The following USP9X variants were observed in gnomAD, a reference collection of about 807,000 sequenced individuals.
USP9X encodes ubiquitin carboxyl-terminal hydrolase 9X.
USP9X carries 7 observed loss-of-function variants against 190.3 expected under a neutral mutation model. That is an observed-to-expected ratio of 0.04 (90% CI 0.02 to 0.07). USP9X has a LOEUF of 0.07. Among genes scored for constraint, USP9X ranks in the 10% least tolerant of loss-of-function variants. The pLI, the probability that USP9X is intolerant of heterozygous loss-of-function variation, is 1.00. For missense variants in USP9X, 1,010 were observed against 1,916.9 expected (o/e 0.53, Z 8.83); for synonymous variants, 645 against 659.5 (o/e 0.98, Z 0.34).
intron 1 of USP9X, among the ~76,000 whole-genome samples, chrX:41,098,227 A>C (rs183095925): frequency 2.0e-5 from 2 of 99,338 alleles, no homozygotes; most frequent in East Asian, 3.2e-4. Context: ...TGCAGCCTCC[A>C]TCTCCTGGGT....
chrX:41,199,210 A>AAAAGG (rs1307634389), intron 30 of USP9X, among the ~76,000 whole-genome samples: 2 of 110,974 alleles, frequency 1.8e-5, no homozygotes, highest in Non-Finnish European at 3.8e-5. Flanking sequence ...AAAAGAAAAG[A>AAAAGG]AAAAAGAAAA....
At chrX:41,173,875 A>G (rs2062750373) in intron 21 of USP9X, among the ~76,000 whole-genome samples, 1 of 112,197 alleles carries the variant, frequency 8.9e-6, no homozygotes, top group African/African-American at 3.2e-5. Context: ...GCATTGTATT[A>G]GGTGTTACCT....
rs938383621 is a variant in USP9X, at chrX:41,187,129, G to T, written c.3684+487G>T. On this transcript the variant is annotated intron_variant, in intron 24 of 44. Transcript: ENST00000378308. ...ATTACAGGCATGAGCCACCATGCCC[G>T]GCCCAGATTCGGTGAATTTTGACAT... Among the ~76,000 whole-genome samples, 3 of 112,126 alleles carry T rather than the reference G, an allele frequency of 2.7e-5. No homozygotes were observed. In the Admixed American group the frequency reaches 2.8e-4, roughly 11 times the overall value.
At chrX:41,126,187 G>A (rs937927556) in intron 2 of USP9X, among the ~76,000 whole-genome samples, 1 of 111,318 alleles carries the variant, frequency 9.0e-6, no homozygotes, top group African/African-American at 3.3e-5. Flanking sequence ...TGAACAAGTC[G>A]GGGGTTTTTT....
At chrX:41,172,570 C>A (rs1228773123) in intron 21 of USP9X, among the ~76,000 whole-genome samples, 3 of 111,575 alleles carry the variant, frequency 2.7e-5, no homozygotes, top group Middle Eastern at 4.6e-3. Context: ...TTAACTGTTA[C>A]ATACCCCCAC....
chrX:41,205,895 C>CTT (rs754328137), intron 32 of USP9X, among the ~76,000 whole-genome samples: 1 of 80,456 alleles, frequency 1.2e-5, no homozygotes, highest in African/African-American at 4.5e-5. Context: ...TTCTTTTTTT[C>CTT]TTTTTTTTTT....
intron 31 of USP9X, 67 bp downstream of exon 31, chrX:41,201,347 A>G: frequency 9.8e-7 from 1 of 1,016,204 alleles, no homozygotes; most frequent in South Asian, 2.0e-5. Context: ...ATTCTCTCTT[A>G]AGAGAGTGTT....
chrX:41,153,680 T>G (rs947427261), intron 14 of USP9X, among the ~76,000 whole-genome samples: 3 of 112,308 alleles, frequency 2.7e-5, no homozygotes, highest in African/African-American at 9.7e-5. Context: ...TTTTGCCCTT[T>G]GACAGTTATG....
At chrX:41,150,653 C>T (rs756465362) in intron 12 of USP9X, among the ~76,000 whole-genome samples, 2 of 111,533 alleles carry the variant, frequency 1.8e-5, no homozygotes, top group Admixed American at 1.9e-4. Context: ...TACTTAGGAT[C>T]TGTAGTGTGT....
chrX:41,102,841 G>A (rs148190011), intron 1 of USP9X, among the ~76,000 whole-genome samples: 14,384 of 107,219 alleles, frequency 0.13, 891 homozygotes, highest in East Asian at 0.21. Flanking sequence ...CACCCAGGCT[G>A]GAGTGCAGTG....
In USP9X at chrX:41,100,424, T is replaced by C. The variant is rs770598549; in HGVS notation, c.-159+14315T>C. Among the ~76,000 whole-genome samples the C allele has an allele frequency of 1.8e-4, 20 of 112,191 alleles. No homozygotes were observed. In the East Asian group the frequency reaches 5.6e-3, roughly 31 times the overall value. ...AACAGGAATTCAAACTAAGGCAGTT[T>C]ATCTTCAGTCTTTAGTGTTAACTAC... On this transcript the variant is annotated intron_variant, in intron 1 of 44. Transcript: ENST00000378308.
intron 39 of USP9X, 62 bp downstream of exon 39, chrX:41,223,464 T>A (rs763131942): frequency 4.8e-5 from 55 of 1,140,446 alleles, no homozygotes; most frequent in Non-Finnish European, 6.5e-5. Context: ...TGAGACAGAG[T>A]TTTGCTGTTG....
At chrX:41,211,875 C>T (rs1317727546) in intron 33 of USP9X, among the ~76,000 whole-genome samples, 1 of 111,834 alleles carries the variant, frequency 8.9e-6, no homozygotes, top group Admixed American at 9.3e-5. Context: ...CCGCCCCATC[C>T]GGGAGGTGAG....
At chrX:41,118,526 A>G (rs2062167431) in intron 1 of USP9X, among the ~76,000 whole-genome samples, 1 of 111,684 alleles carries the variant, frequency 9.0e-6, no homozygotes, top group African/African-American at 3.3e-5. Context: ...TCGTCCTTGT[A>G]TTGCTTCCTG....
intron 1 of USP9X, among the ~76,000 whole-genome samples, chrX:41,121,578 G>A (rs2062190481): frequency 9.0e-6 from 1 of 111,655 alleles, no homozygotes; most frequent in African/African-American, 3.3e-5. Context: ...TCTTAAGCCA[G>A]GTCATAATTA....
chrX:41,199,185 G>GA (rs1195442117), intron 30 of USP9X, among the ~76,000 whole-genome samples: 2 of 106,817 alleles, frequency 1.9e-5, no homozygotes, highest in African/African-American at 3.4e-5. Context: ...CTCCATCTCA[G>GA]AAAAAAAAGA....
At position 41,235,557 on chromosome X, in the gene USP9X, A is replaced by C. The variant is rs2063393413; in HGVS notation, c.*3033A>C. The C allele has an allele frequency of 8.8e-6, 1 of 113,196 alleles. No individual in the cohort carries two copies. Among genetic ancestry groups the C allele is most frequent in the Non-Finnish European group, 1.9e-5 (1 of 53,380 alleles). The allele number at this position is 113,196 out of a possible 1,213,427, so 9.3% of individuals were successfully genotyped here. On this transcript the variant is annotated 3_prime_UTR_variant, in exon 45 of 45. Transcript: ENST00000378308. ...TAAAGACTGAAGATATTTTAGTTGT[A>C]AAACCATGTGAACAAGGGCTTTTGC...
At chrX:41,098,491 T>C (rs2062009433) in intron 1 of USP9X, among the ~76,000 whole-genome samples, 1 of 110,338 alleles carries the variant, frequency 9.1e-6, no homozygotes, top group African/African-American at 3.3e-5. Context: ...TTCGGATAAA[T>C]GGAGTAATAC....
intron 39 of USP9X, among the ~76,000 whole-genome samples, chrX:41,224,509 A>G (rs1029758628): frequency 4.5e-5 from 5 of 110,224 alleles, no homozygotes; most frequent in Non-Finnish European, 9.5e-5. Flanking sequence ...GGTGACGTGC[A>G]CCTGTAGTCC....
Sources: gnomAD v4.1 joint callset for allele counts (sites outside exome capture counted in the v4.1 genomes callset) on GRCh38, gnomAD v4.1.1 for gene constraint, MANE v1.5 for transcripts, NCBI Gene and HGNC (gene_info 2026-07-23, HGNC 2026-07-21) for gene names.